Variants in TRIM25 observed in about 807,000 individuals in gnomAD.
TRIM25 encodes tripartite motif containing 25.
In TRIM25, 45 loss-of-function variants were observed where a neutral mutation model predicts 65.2. The ratio of observed to expected loss-of-function variants is 0.69; its 90% CI spans 0.54 to 0.89. The LOEUF (loss-of-function observed/expected upper bound fraction) is 0.89. Among genes scored for constraint, TRIM25 ranks in the 40% least tolerant of loss-of-function variants. The pLI is 0.00. For synonymous variants in TRIM25, 321 were observed against 340.4 expected (o/e 0.94, Z 0.63); for missense variants, 714 against 803.7 (o/e 0.89, Z 1.35).
At chr17:56,893,429 T>C (rs1909224260) in intron 8 of TRIM25, among the ~76,000 whole-genome samples, 1 of 152,130 alleles carries the variant, frequency 6.6e-6, no homozygotes, top group Non-Finnish European at 1.5e-5. Flanking sequence ...AAGAGTTAGC[T>C]GCAGCCCAGG....
rs1452307393 is a variant in TRIM25, at chr17:56,891,660, G to A, written c.*40C>T. The A allele has an allele frequency of 6.3e-7, 1 of 1,586,190 alleles. No individual in the cohort carries two copies. The highest frequency in any genetic ancestry group is 1.2e-5 in the South Asian group (1 of 86,906). ...CTGCTGTATTTTCACTAGGGTCTTG[G>A]GACTTCTGCAGGCAGTCAGCCCAAG... On this transcript the variant is annotated 3_prime_UTR_variant, in exon 9 of 9. Coordinates refer to ENST00000316881, the MANE Select transcript of TRIM25 (RefSeq NM_005082.5).
intron 5 of TRIM25, among the ~76,000 whole-genome samples, chr17:56,898,111 T>C (rs1228381377): frequency 6.6e-6 from 1 of 152,166 alleles, no homozygotes; most frequent in Non-Finnish European, 1.5e-5. Flanking sequence ...ATTTCAGTGG[T>C]ATATGGACAT....
Position 56,895,451 on chromosome 17 carries a change from G to T in TRIM25, c.1265-10C>A. 1 of 1,614,066 alleles carries T rather than the reference G, an allele frequency of 6.2e-7. No individual in the cohort carries two copies. Among genetic ancestry groups the T allele is most frequent in the African/African-American group, 1.3e-5 (1 of 75,012 alleles). On this transcript the variant is annotated splice_polypyrimidine_tract_variant and intron_variant, in intron 7 of 8. Coordinates refer to ENST00000316881, the MANE Select transcript of TRIM25 (RefSeq NM_005082.5). ...GTGGCTTTGGCTGCAGCTGGGAGAG[G>T]AAACAGAGAGTGATTTGCAGAACAA... is the stretch of plus-strand genomic sequence containing the variant.
rs749784509 is a variant in TRIM25, at chr17:56,888,218, A to G, written c.*3482T>C. 2.0e-5 allele frequency: 3 copies of G among 152,252 alleles called. No homozygotes were observed. The highest frequency in any genetic ancestry group is 4.4e-5 in the Non-Finnish European group (3 of 68,082). The allele number at this position is 152,252 out of a possible 1,614,324, so 9.4% of individuals were successfully genotyped here. The stretch of plus-strand genomic sequence containing the variant: ...CTCAAAGCCTCAAACCTCTAATCAC[A>G]TGGTCAGTCTGTCTGGTGACCAGCC... On this transcript the variant is annotated 3_prime_UTR_variant, in exon 9 of 9. Coordinates refer to ENST00000316881, the MANE Select transcript of TRIM25 (RefSeq NM_005082.5).
At chr17:56,904,144 G>C in intron 3 of TRIM25, 111 bp downstream of exon 3, 1 of 866,802 alleles carries the variant, frequency 1.2e-6, no homozygotes, top group South Asian at 1.6e-5. Flanking sequence ...TCTCAGGGAT[G>C]CTTCCAGTGA....
intron 6 of TRIM25, 68 bp downstream of exon 6, chr17:56,895,858 C>G: frequency 6.3e-7 from 1 of 1,579,852 alleles, no homozygotes; most frequent in Non-Finnish European, 8.6e-7. Context: ...TCGACTCTCA[C>G]TACCAGCATT....
chr17:56,890,475 A>C lies in TRIM25; in HGVS notation c.*1225T>G, dbSNP rs1461633376. The C allele has an allele frequency of 2.5e-6, 1 of 399,224 alleles. No individual in the cohort carries two copies. Among genetic ancestry groups the C allele is most frequent in the Non-Finnish European group, 5.0e-6 (1 of 198,948 alleles). 24.7% of individuals were successfully genotyped at this position (399,224 alleles called of 1,614,324 possible). ...GCCAGCCCCAGGCTCTGACTCACGC[A>C]AGGGCCAGTGCTGGGTCTGCAGCCT... On this transcript the variant is annotated 3_prime_UTR_variant, in exon 9 of 9. Coordinates refer to ENST00000316881, the MANE Select transcript of TRIM25 (RefSeq NM_005082.5).
In TRIM25 at chr17:56,892,204, G is replaced by A. The variant is rs1182989406; in HGVS notation, c.1389C>T (p.Tyr463=). Residue 463 remains tyrosine (Y), a synonymous_variant, in exon 9 of 9, where the codon TAC becomes TAT. Coordinates refer to ENST00000316881, the MANE Select transcript of TRIM25 (RefSeq NM_005082.5). ...LEYYIKVILD[Y]NTAHNKVALS... The stretch of plus-strand genomic sequence containing the variant: ...GAGCCACTTTGTTGTGGGCGGTGTT[G>A]TAGTCCAGGATGACTTTAATGTAAT... 4 of 1,604,940 alleles carry A rather than the reference G, an allele frequency of 2.5e-6. No homozygotes were observed. The African/African-American group carries it at 5.3e-5, about 21-fold the overall frequency.
At chr17:56,902,084 G>T (rs560845602) in intron 3 of TRIM25, among the ~76,000 whole-genome samples, 36 of 152,340 alleles carry the variant, frequency 2.4e-4, no homozygotes, top group African/African-American at 7.2e-4. Context: ...AAATAGGGTT[G>T]TACAGTATCA....
At position 56,894,275 on chromosome 17, in the gene TRIM25, G is replaced by T. The variant is rs898229133; in HGVS notation, c.1363+1068C>A. On this transcript the variant is annotated intron_variant, in intron 8 of 8. Transcript: ENST00000316881. ...TTGTTTGTTTGTTTTTTAAGACAGA[G>T]TCTCGCTCTGTTGCCCAGACTGGAG... 4.6e-5 allele frequency among the ~76,000 whole-genome samples: 7 copies of T among 152,234 alleles called. No homozygotes were observed. In the South Asian group the frequency reaches 1.4e-3, roughly 31 times the overall value.
Position 56,913,429 on chromosome 17 carries a change from G to C in TRIM25, c.560C>G (p.Ser187Cys). The change falls in exon 1 of 9, where the codon TCT becomes TGT. Residue 187 changes from serine to cysteine, a missense_variant. Physicochemically the swap from Ser to Cys is moderately radical, Grantham distance 112 (BLOSUM62 -1). Coordinates refer to ENST00000316881, the MANE Select transcript of TRIM25 (RefSeq NM_005082.5). This position sits in a 1 kb window ranked among gnomAD's most constrained non-coding sequence, Gnocchi z 6.1. ...HICLVEHKTC[S>C]PASLSQASAD... Reference sequence around the variant, plus strand: ...GCTGGCCTGGCTCAGGGACGCGGGAGAGCAGGTCTTATGCTCCACCAGGCA... The same window carrying C: ...GCTGGCCTGGCTCAGGGACGCGGGACAGCAGGTCTTATGCTCCACCAGGCA... 1.3e-6 allele frequency: 2 copies of C among 1,594,624 alleles called. No homozygotes were observed. The highest frequency in any genetic ancestry group is 1.7e-6 in the Non-Finnish European group (2 of 1,167,510).
intron 8 of TRIM25, among the ~76,000 whole-genome samples, chr17:56,893,117 G>A (rs941645985): frequency 1.3e-5 from 2 of 151,956 alleles, no homozygotes; most frequent in East Asian, 3.9e-4. Context: ...GAAGCTGGGT[G>A]GCTGGGAACA....
chr17:56,906,228 C>A (rs1283079125), intron 2 of TRIM25, among the ~76,000 whole-genome samples: 3 of 152,240 alleles, frequency 2.0e-5, no homozygotes, highest in Non-Finnish European at 4.4e-5. Context: ...AGGGTTTGAC[C>A]TCCTTCTTCC....
chr17:56,913,464 G>T lies in TRIM25; in HGVS notation c.525C>A (p.Ile175=), dbSNP rs753353425. The T allele has an allele frequency of 1.9e-5, 31 of 1,611,782 alleles. No individual in the cohort carries two copies. Among genetic ancestry groups the T allele is most frequent in the Non-Finnish European group, 2.5e-5 (30 of 1,178,534 alleles). Residue 175 remains isoleucine (I), a synonymous_variant, in exon 1 of 9, where the codon ATC becomes ATA. Coordinates refer to ENST00000316881, the MANE Select transcript of TRIM25 (RefSeq NM_005082.5). The surrounding 1 kb of genome is among the most constrained non-coding windows in gnomAD (Gnocchi z 6.1). Reference sequence around the variant, plus strand: ...TATGCTCCACCAGGCAGATGTGGCAGATGCACTCGCTGTGCTCGGGGCAGA... The same window carrying T: ...TATGCTCCACCAGGCAGATGTGGCATATGCACTCGCTGTGCTCGGGGCAGA... ...EFFCPEHSEC[I]CHICLVEHKT...
At chr17:56,906,945 C>T (rs1441053755) in intron 2 of TRIM25, among the ~76,000 whole-genome samples, 2 of 152,238 alleles carry the variant, frequency 1.3e-5, no homozygotes, top group Non-Finnish European at 2.9e-5. Context: ...GCCTCCCCTG[C>T]AGCTAGACTA....
chr17:56,908,444 G>A lies in TRIM25; in HGVS notation c.693+24C>T, dbSNP rs371094851. 14 of 1,608,128 alleles carry A rather than the reference G, an allele frequency of 8.7e-6. No individual in the cohort carries two copies. The South Asian group carries it at 1.5e-4, about 18-fold the overall frequency. ...TGAGCGAAGCCACAGGGCAGGGCTG[G>A]CCTTGGAGAGCCCTGCCACTCACCC... On this transcript the variant is annotated intron_variant, in intron 2 of 8. Coordinates refer to ENST00000316881, the MANE Select transcript of TRIM25 (RefSeq NM_005082.5).
At position 56,892,246 on chromosome 17, in the gene TRIM25, C is replaced by A. The variant is rs760105555; in HGVS notation, c.1364-17G>T. The A allele has an allele frequency of 6.6e-5, 103 of 1,570,602 alleles. No homozygotes were observed. In the Admixed American group the frequency reaches 1.9e-3, roughly 28 times the overall value. On this transcript the variant is annotated splice_polypyrimidine_tract_variant and intron_variant, in intron 8 of 8. Transcript: ENST00000316881. ...TAATGTAATCTGAGAAAACATCACCCCAAGGAATTAATTACAAGGGGCCCA... is the reference window on the plus strand; with the variant it reads ...TAATGTAATCTGAGAAAACATCACCACAAGGAATTAATTACAAGGGGCCCA...
chr17:56,913,330 TGGCCCCTCTGCACCACCCATCA>T lies in TRIM25; in HGVS notation c.597+40_597+61del. Reference sequence around the variant, plus strand: ...CAGAGTGTGGCAGAGAGGCCCCCGGTGGCCCCTCTGCACCACCCATCAGGCCAGGCTGCCCTCTGCACCCAGC... The same window carrying T: ...CAGAGTGTGGCAGAGAGGCCCCCGGTGGCCAGGCTGCCCTCTGCACCCAGC... On this transcript the variant is annotated intron_variant, in intron 1 of 8. Coordinates refer to ENST00000316881, the MANE Select transcript of TRIM25 (RefSeq NM_005082.5). The surrounding 1 kb of genome is among the most constrained non-coding windows in gnomAD (Gnocchi z 6.1). 7.0e-7 allele frequency: 1 copy of T among 1,433,780 alleles called. No homozygotes were observed. The highest frequency in any genetic ancestry group is 9.3e-7 in the Non-Finnish European group (1 of 1,073,378). The allele number at this position is 1,433,780 out of a possible 1,614,324, so 88.8% of individuals were successfully genotyped here.
chr17:56,895,667 C>T (rs1909278287), intron 6 of TRIM25, 63 bp from the exon 7 acceptor site: 9 of 1,478,956 alleles, frequency 6.1e-6, no homozygotes, highest in Non-Finnish European at 8.2e-6. Context: ...CCCTTCCACA[C>T]TGATTAAGAG....
Sources: gnomAD v4.1 joint callset for allele counts (sites outside exome capture counted in the v4.1 genomes callset) on GRCh38, gnomAD v4.1.1 for gene constraint, Gnocchi (gnomAD v3.1) non-coding constraint, MANE v1.5 for transcripts, NCBI Gene and HGNC (gene_info 2026-07-23, HGNC 2026-07-21) for gene names.